The following TTLL11 variants were observed in gnomAD, a reference collection of about 807,000 sequenced individuals.
The protein encoded by TTLL11 is tubulin tyrosine ligase like 11.
In TTLL11, 42 loss-of-function variants were observed where a neutral mutation model predicts 51.7. The ratio of observed to expected loss-of-function variants is 0.81; its 90% confidence interval spans 0.64 to 1.05. TTLL11 has a LOEUF of 1.05. Ranked by LOEUF, TTLL11 falls within the 50% of genes least tolerant of loss-of-function variation. The pLI is 0.00. For synonymous variants in TTLL11, 381 were observed against 383.5 expected (o/e 0.99, Z 0.08); for missense variants, 799 against 940.4 (o/e 0.85, Z 1.97).
chr9:121,997,291 C>T (rs550265964), intron 3 of TTLL11, among the ~76,000 whole-genome samples: 22 of 152,314 alleles, frequency 1.4e-4, no homozygotes, highest in African/African-American at 5.3e-4. Context: ...CCTTCTCACA[C>T]CCTGCCCCTA....
intron 8 of TTLL11, among the ~76,000 whole-genome samples, chr9:121,850,240 G>A (rs979699295): frequency 1.3e-4 from 20 of 152,152 alleles, no homozygotes; most frequent in African/African-American, 4.3e-4. Context: ...ATATGTGAAA[G>A]GGGATTTATT....
chr9:121,826,227 T>C (rs1836762120), intron 8 of TTLL11, among the ~76,000 whole-genome samples: 1 of 104,362 alleles, frequency 9.6e-6, no homozygotes, highest in African/African-American at 3.7e-5. Flanking sequence ...TGCACACATA[T>C]ATATATACAC....
At chr9:121,951,933 G>A (rs925169803) in intron 6 of TTLL11, among the ~76,000 whole-genome samples, 10 of 152,200 alleles carry the variant, frequency 6.6e-5, no homozygotes, top group African/African-American at 2.4e-4. Context: ...CATGGCATTT[G>A]TAAACTGTCA....
intron 6 of TTLL11, among the ~76,000 whole-genome samples, chr9:121,903,172 C>T (rs757436639): frequency 3.3e-5 from 5 of 152,142 alleles, no homozygotes; most frequent in South Asian, 4.1e-4. Context: ...CCTCATACCA[C>T]GCCTGCAATG....
intron 6 of TTLL11, among the ~76,000 whole-genome samples, chr9:121,972,710 T>C (rs1842608520): frequency 6.6e-6 from 1 of 152,262 alleles, no homozygotes; most frequent in Non-Finnish European, 1.5e-5. Context: ...CTAGGGAACC[T>C]AGAAACTTTC....
intron 7 of TTLL11, among the ~76,000 whole-genome samples, chr9:121,861,517 T>C (rs994420422): frequency 2.6e-5 from 4 of 152,190 alleles, no homozygotes; most frequent in African/African-American, 4.8e-5. Flanking sequence ...TGTGTCAGCC[T>C]GACCTTGCAC....
At chr9:121,909,678 G>A (rs746759371) in intron 6 of TTLL11, among the ~76,000 whole-genome samples, 1 of 152,178 alleles carries the variant, frequency 6.6e-6, no homozygotes, top group Non-Finnish European at 1.5e-5. Flanking sequence ...ATGTATCCAT[G>A]GAAGATGTTA....
rs543826116 is a variant in TTLL11 at position 121,970,566 on chromosome 9, G to C, written c.1481+3443C>G. ...TATGAACAGACACTTCTCAAAAGAAGACATTTACGCATCCAACAAAGATAT... is the reference window on the plus strand; with the variant it reads ...TATGAACAGACACTTCTCAAAAGAACACATTTACGCATCCAACAAAGATAT... On this transcript the variant is annotated intron_variant, in intron 6 of 8. Transcript: ENST00000321582. 9.2e-5 allele frequency among the ~76,000 whole-genome samples: 14 copies of C among 152,240 alleles called. No homozygotes were observed. In the South Asian group the frequency reaches 1.2e-3, roughly 14 times the overall value.
At chr9:121,937,978 G>A (rs951785238) in intron 6 of TTLL11, among the ~76,000 whole-genome samples, 3 of 152,126 alleles carry the variant, frequency 2.0e-5, no homozygotes, top group Non-Finnish European at 2.9e-5. Flanking sequence ...ACAGTAAAAC[G>A]TAAGAAAGAT....
chr9:121,830,854 A>C lies in TTLL11; in HGVS notation c.1841-7975T>G, dbSNP rs138538070. Among the ~76,000 whole-genome samples the C allele has an allele frequency of 1.4e-3, 206 of 152,278 alleles. 1 individual carries two copies. The highest frequency in any genetic ancestry group is 4.8e-3 in the African/African-American group (199 of 41,544). On this transcript the variant is annotated intron_variant, in intron 8 of 8. Coordinates refer to ENST00000321582, the MANE Select transcript of TTLL11 (RefSeq NM_001139442.2). Reference sequence around the variant, plus strand: ...TGGATTTCAAAATAAAGAAGATGGGAGGTCACTGGGGAGTCCTGAAGTGAC... The same window carrying C: ...TGGATTTCAAAATAAAGAAGATGGGCGGTCACTGGGGAGTCCTGAAGTGAC...
At chr9:121,941,050 TC>T (rs2131580462) in intron 6 of TTLL11, among the ~76,000 whole-genome samples, 1 of 152,320 alleles carries the variant, frequency 6.6e-6, no homozygotes, top group East Asian at 1.9e-4. Context: ...CATCCATTTT[TC>T]TCCATGAAAA....
chr9:121,891,391 A>G (rs1839225585), intron 6 of TTLL11, among the ~76,000 whole-genome samples: 1 of 152,224 alleles, frequency 6.6e-6, no homozygotes, highest in Non-Finnish European at 1.5e-5. Flanking sequence ...CAGGGCAGGC[A>G]TTTAACACCT....
At chr9:122,015,743 C>T (rs1363768003) in intron 3 of TTLL11, among the ~76,000 whole-genome samples, 1 of 146,178 alleles carries the variant, frequency 6.8e-6, no homozygotes, top group Non-Finnish European at 1.5e-5. Context: ...AAGTGACAAG[C>T]TGGGTCCTGC....
rs76668827 is a variant in TTLL11 at position 122,017,146 on chromosome 9, T to C, written c.693+14577A>G. ...CCGTTGTTTTACAGAAACTCACACT[T>C]CTTCCTGTTGTTGCCAGGAACCACA... On this transcript the variant is annotated intron_variant, in intron 3 of 8. Coordinates refer to ENST00000321582, the MANE Select transcript of TTLL11 (RefSeq NM_001139442.2). Among the ~76,000 whole-genome samples the C allele has an allele frequency of 8.5e-3, 1,291 of 152,272 alleles. 18 individuals are homozygous for C. Among genetic ancestry groups the C allele is most frequent in the African/African-American group, 0.029 (1,217 of 41,546 alleles).
At chr9:122,053,067 G>A (rs1322083414) in intron 1 of TTLL11, among the ~76,000 whole-genome samples, 1 of 152,200 alleles carries the variant, frequency 6.6e-6, no homozygotes, top group Admixed American at 6.5e-5. Context: ...GAGAGGAAGA[G>A]TCCCCAGACA....
intron 6 of TTLL11, among the ~76,000 whole-genome samples, chr9:121,931,967 A>G (rs1841001685): frequency 1.3e-5 from 2 of 152,198 alleles, no homozygotes; most frequent in Admixed American, 1.3e-4. Flanking sequence ...ACTTGATAAT[A>G]AAGAATCTCT....
At chr9:121,992,464 G>A (rs1843144184) in intron 3 of TTLL11, among the ~76,000 whole-genome samples, 1 of 152,210 alleles carries the variant, frequency 6.6e-6, no homozygotes, top group African/African-American at 2.4e-5. Context: ...GATCTGAGAT[G>A]AGACCTGGGC....
intron 3 of TTLL11, among the ~76,000 whole-genome samples, chr9:121,999,410 C>G (rs990520060): frequency 6.6e-6 from 1 of 152,158 alleles, no homozygotes; most frequent in Non-Finnish European, 1.5e-5. Context: ...CCTGTGTTCC[C>G]TCTAACAGTA....
chr9:122,051,706 TC>T (rs1239690175), intron 1 of TTLL11, among the ~76,000 whole-genome samples: 1 of 152,108 alleles, frequency 6.6e-6, no homozygotes, highest in Admixed American at 6.5e-5. Context: ...CTCTGTCCCC[TC>T]CAGACTTCCA....
Sources: gnomAD v4.1 joint callset for allele counts (sites outside exome capture counted in the v4.1 genomes callset) on GRCh38, gnomAD v4.1.1 for gene constraint, MANE v1.5 for transcripts, NCBI Gene and HGNC (gene_info 2026-07-23, HGNC 2026-07-21) for gene names.